Variants in PHF21B observed in about 807,000 individuals in gnomAD.
PHF21B encodes the protein PHD finger protein 21B.
In PHF21B, 22 loss-of-function variants were observed where a neutral mutation model predicts 62.2. The ratio of observed to expected loss-of-function variants is 0.35; its 90% CI spans 0.25 to 0.51. PHF21B has a LOEUF of 0.51. PHF21B is among the 20% of genes least tolerant of loss of function. PHF21B has a pLI of 0.97. For missense variants in PHF21B, 701 were observed against 707.9 expected, an observed-to-expected ratio of 0.99 and a Z score of 0.11; for synonymous variants, 341 against 314.7, an observed-to-expected ratio of 1.08 and a Z score of -0.88.
chr22:44,911,590 G>A (rs891010061), intron 5 of PHF21B, among the ~76,000 whole-genome samples: 7 of 152,224 alleles, frequency 4.6e-5, no homozygotes, highest in African/African-American at 1.7e-4. Context: ...CTTCCACATG[G>A]TGTTGAGTCT....
chr22:45,007,895 C>A (rs1208708326), intron 2 of PHF21B, among the ~76,000 whole-genome samples: 7 of 151,378 alleles, frequency 4.6e-5, no homozygotes, highest in Non-Finnish European at 1.0e-4. Context: ...CTTTTCCTCC[C>A]CGGAGGGGGC....
intron 2 of PHF21B, among the ~76,000 whole-genome samples, chr22:44,938,109 G>C (rs1222879499): frequency 6.6e-6 from 1 of 152,236 alleles, no homozygotes; most frequent in African/African-American, 2.4e-5. Flanking sequence ...GAGTCTCGCT[G>C]TGTCACCCAG....
At chr22:44,931,625 T>C (rs755362931) in intron 2 of PHF21B, among the ~76,000 whole-genome samples, 5 of 82,370 alleles carry the variant, frequency 6.1e-5, no homozygotes, top group Admixed American at 1.6e-4. Flanking sequence ...AACTAAGGAT[T>C]GGGGGTTGTG....
chr22:45,003,785 T>C (rs1005983429), intron 2 of PHF21B, among the ~76,000 whole-genome samples: 1 of 152,178 alleles, frequency 6.6e-6, no homozygotes, highest in African/African-American at 2.4e-5. Context: ...GAATGAGTTC[T>C]CTCTACAGGG....
In PHF21B at chr22:45,009,104, G is replaced by C; in HGVS notation, c.54+392C>G. On this transcript the variant is annotated intron_variant, in intron 1 of 12. Transcript: ENST00000313237. This position sits in a 1 kb window ranked among gnomAD's most constrained non-coding sequence, Gnocchi z 5.9. The stretch of plus-strand genomic sequence containing the variant: ...AGCAGCGATCGCCAAAACTACTTCT[G>C]CACACCGGGCAGGTTCGCCCGGGGC... The C allele has an allele frequency of 2.1e-6, 2 of 967,686 alleles. No homozygotes were observed. Among genetic ancestry groups the C allele is most frequent in the Non-Finnish European group, 2.6e-6 (2 of 768,256 alleles). The allele number at this position is 967,686 out of a possible 1,614,324, so 59.9% of individuals were successfully genotyped here.
chr22:44,934,053 A>C (rs761545968), intron 2 of PHF21B, among the ~76,000 whole-genome samples: 1 of 152,200 alleles, frequency 6.6e-6, no homozygotes, highest in Non-Finnish European at 1.5e-5. Context: ...ACAAGACCAG[A>C]GGGGCCCTTC....
intron 2 of PHF21B, among the ~76,000 whole-genome samples, chr22:44,960,318 ATC>A (rs1312883207): frequency 2.0e-5 from 3 of 152,120 alleles, no homozygotes; most frequent in African/African-American, 7.2e-5. Context: ...CAAGACAATT[ATC>A]TCTTTTTTCC....
At chr22:44,902,879 T>C (rs1432067200) in intron 5 of PHF21B, among the ~76,000 whole-genome samples, 1 of 152,232 alleles carries the variant, frequency 6.6e-6, no homozygotes, top group Non-Finnish European at 1.5e-5. Context: ...AATTTTCCCA[T>C]ACTGGAGATT....
chr22:44,890,854 G>A (rs1423266848), intron 8 of PHF21B, among the ~76,000 whole-genome samples: 1 of 152,220 alleles, frequency 6.6e-6, no homozygotes, highest in Non-Finnish European at 1.5e-5. Flanking sequence ...AGGCAGAACT[G>A]GGCTGAGATC....
chr22:44,887,847 T>A lies in PHF21B; in HGVS notation c.1197+116A>T, dbSNP rs2070887209. 16 of 1,156,094 alleles carry A rather than the reference T, an allele frequency of 1.4e-5. No individual in the cohort carries two copies. The South Asian group carries it at 4.1e-4, about 30-fold the overall frequency. 71.6% of individuals were successfully genotyped at this position (1,156,094 alleles called of 1,614,324 possible). A position where few individuals can be genotyped will look rare whatever the true frequency, so the allele number is the denominator to read the frequency against. The stretch of plus-strand genomic sequence containing the variant: ...CCCCAAATGTCAATTGTGCTGAGGT[T>A]GAAAAAGCCTTCCTATACCCAAGCC... On this transcript the variant is annotated intron_variant, in intron 10 of 12. Transcript: ENST00000313237.
Position 44,883,342 on chromosome 22 carries a change from T to G in PHF21B, c.1378-38A>C, listed in dbSNP as rs189486410. ...AGGTCAGGGGAAAGGGTCTCAGTATTCGGCTCTACAGCCATCCTGGGGCAG... is the reference window on the plus strand; with the variant it reads ...AGGTCAGGGGAAAGGGTCTCAGTATGCGGCTCTACAGCCATCCTGGGGCAG... On this transcript the variant is annotated intron_variant, in intron 12 of 12. Coordinates refer to ENST00000313237, the MANE Select transcript of PHF21B (RefSeq NM_138415.5). 3.1e-5 allele frequency: 50 copies of G among 1,595,408 alleles called. No individual in the cohort carries two copies. The East Asian group carries it at 1.1e-3, about 35-fold the overall frequency.
At chr22:44,890,179 T>G (rs1017526504) in intron 8 of PHF21B, among the ~76,000 whole-genome samples, 2 of 152,140 alleles carry the variant, frequency 1.3e-5, no homozygotes, top group Admixed American at 1.3e-4. Flanking sequence ...TGGTCACAGC[T>G]AGGAGCCACC....
intron 2 of PHF21B, among the ~76,000 whole-genome samples, chr22:44,981,498 G>A (rs1203916994): frequency 6.6e-6 from 1 of 152,260 alleles, no homozygotes; most frequent in African/African-American, 2.4e-5. Flanking sequence ...GGCAGCAGGT[G>A]CTCAGGAAGC....
intron 2 of PHF21B, among the ~76,000 whole-genome samples, chr22:44,990,262 G>A (rs1311774190): frequency 6.6e-6 from 1 of 152,202 alleles, no homozygotes; most frequent in Non-Finnish European, 1.5e-5. Flanking sequence ...TCCACTGAGG[G>A]TTTGCCCAGG....
intron 2 of PHF21B, among the ~76,000 whole-genome samples, chr22:44,944,867 G>A (rs1388959066): frequency 1.8e-5 from 2 of 113,400 alleles, no homozygotes; most frequent in East Asian, 5.0e-4. Flanking sequence ...CTTGGGGAAG[G>A]AAAGCATCCG....
At chr22:44,896,162 C>A in intron 5 of PHF21B, 79 bp from the exon 6 acceptor site, 2 of 1,534,416 alleles carry the variant, frequency 1.3e-6, no homozygotes, top group African/African-American at 1.4e-5. Context: ...TCTGCTGTGG[C>A]AGGTGCAGGG....
intron 2 of PHF21B, among the ~76,000 whole-genome samples, chr22:44,952,699 TG>T (rs1047339271): frequency 2.0e-4 from 31 of 152,338 alleles, no homozygotes; most frequent in African/African-American, 7.5e-4. Flanking sequence ...TGTTTACAGT[TG>T]AAAAAGAGAA....
Position 44,984,266 on chromosome 22 carries a change from TCAC to T in PHF21B, c.120+24276_120+24278del, listed in dbSNP as rs1238048911. ...ATTACCACCACCATCATCATCACCA[TCAC>T]CACCACCACCACCACCATCATCATC... On this transcript the variant is annotated intron_variant, in intron 2 of 12. Coordinates refer to ENST00000313237, the MANE Select transcript of PHF21B (RefSeq NM_138415.5). Among the ~76,000 whole-genome samples the T allele has an allele frequency of 4.9e-4, 65 of 131,968 alleles. 1 individual carries two copies. Among genetic ancestry groups the T allele is most frequent in the Admixed American group, 2.0e-3 (26 of 13,194 alleles). 86.6% of individuals were successfully genotyped at this position (131,968 alleles called of 152,430 possible).
At chr22:44,943,588 T>C (rs1031307439) in intron 2 of PHF21B, among the ~76,000 whole-genome samples, 1 of 152,100 alleles carries the variant, frequency 6.6e-6, no homozygotes, top group Admixed American at 6.5e-5. Flanking sequence ...TCTAGAGTCC[T>C]GGCAGCTGGC....
Sources: allele counts gnomAD v4.1 joint callset (sites outside exome capture counted in the v4.1 genomes callset), GRCh38; gene constraint gnomAD v4.1.1; non-coding constraint Gnocchi (gnomAD v3.1); transcripts MANE v1.5; gene names NCBI Gene and HGNC (gene_info 2026-07-23, HGNC 2026-07-21).